POLE: variants seen among roughly 807,000 people sequenced by gnomAD.
POLE encodes DNA polymerase epsilon catalytic subunit A.
Under a neutral mutation model 279.2 loss-of-function variants are expected in POLE, and 188 were observed. That is an observed-to-expected ratio of 0.67 (90% CI 0.60 to 0.76). The LOEUF (loss-of-function observed/expected upper bound fraction) is 0.76. Among genes scored for constraint, POLE ranks in the 30% least tolerant of loss-of-function variants. The pLI is 0.00. For synonymous variants in POLE, 1,214 were observed against 1,172.5 expected (o/e 1.04, Z -0.72); for missense variants, 2,703 against 3,016.7 (o/e 0.90, Z 2.44).
In POLE at chr12:132,649,946, C is replaced by T. The variant is rs1041161561; in HGVS notation, c.3583-57G>A. The T allele has an allele frequency of 3.3e-6, 5 of 1,509,260 alleles. No individual in the cohort carries two copies. The African/African-American group carries it at 6.8e-5, about 21-fold the overall frequency. 93.5% of individuals were successfully genotyped at this position (1,509,260 alleles called of 1,614,324 possible). A position where few individuals can be genotyped will look rare whatever the true frequency, so the allele number is the denominator to read the frequency against. ...GGATCTCGGGCTGCGCAGGGTGGCT[C>T]ATGCCTGGAATGCCAGCACTTTGGG... On this transcript the variant is annotated intron_variant, in intron 29 of 48. Coordinates refer to ENST00000320574, the MANE Select transcript of POLE (RefSeq NM_006231.4).
chr12:132,663,906 A>T (rs939889023), intron 23 of POLE, 98 bp downstream of exon 23: 2 of 1,310,358 alleles, frequency 1.5e-6, no homozygotes, highest in Non-Finnish European at 2.2e-6. Flanking sequence ...GCTGGGTGCC[A>T]GGAAGGCATG....
intron 45 of POLE, among the ~76,000 whole-genome samples, chr12:132,630,618 G>A (rs546097163): frequency 6.6e-6 from 1 of 152,272 alleles, no homozygotes; most frequent in South Asian, 2.1e-4. Flanking sequence ...GGGCGTGGTG[G>A]CAGGCACCTG....
chr12:132,657,075 G>T lies in POLE; in HGVS notation c.3582+61C>A. The T allele has an allele frequency of 2.5e-6, 4 of 1,571,504 alleles. No homozygotes were observed. In the South Asian group the frequency reaches 3.3e-5, roughly 13 times the overall value. The stretch of plus-strand genomic sequence containing the variant: ...TACAGCACACACAGCAGCGCAAGAA[G>T]CCTGGAGTCCTGTGTGTCACAAGGA... On this transcript the variant is annotated intron_variant, in intron 29 of 48. Transcript: ENST00000320574.
In POLE at chr12:132,672,643, G is replaced by A; in HGVS notation, c.1670C>T (p.Pro557Leu). 5 of 1,614,096 alleles carry A rather than the reference G, an allele frequency of 3.1e-6. No individual in the cohort carries two copies. The highest frequency in any genetic ancestry group is 4.2e-6 in the Non-Finnish European group (5 of 1,180,010). ...LESGVFRSDI[P>L]CRFRMNPAAF... ...GAAGCACACCATCCTAAACCGGCAA[G>A]GGATATCGCTGCGGAAAACCCCAGA... The change falls in exon 15 of 49, where the codon CCT becomes CTT. Residue 557 changes from proline (P) to leucine (L), a missense_variant. Around this residue, in one of 5 missense-constraint regions of POLE, gnomAD observed 1,011 missense variants for 1,111.7 expected, o/e 0.91. Coordinates refer to ENST00000320574, the MANE Select transcript of POLE (RefSeq NM_006231.4).
intron 20 of POLE, among the ~76,000 whole-genome samples, chr12:132,666,746 T>C (rs1377398896): frequency 6.6e-6 from 1 of 152,120 alleles, no homozygotes; most frequent in Non-Finnish European, 1.5e-5. Context: ...TTGATGGAGA[T>C]AAGAGTTTCC....
intron 32 of POLE, among the ~76,000 whole-genome samples, chr12:132,648,344 T>G (rs1311266810): frequency 3.5e-3 from 355 of 102,386 alleles, no homozygotes; most frequent in African/African-American, 4.2e-3. Context: ...AATGGGGGGG[T>G]GAGGGGAGGG....
rs2138508215 is a variant in POLE at position 132,639,132 on chromosome 12, A to G, written c.5545T>C (p.Phe1849Leu). The part of the protein sequence containing the change: ...RTLHNMMKKL[F>L]LQLIAEFKRL... ...GGGAGGAGGAGCACTCACTGCAGGA[A>G]GAGCTTCTTCATCATGTTGTGGAGT... Residue 1849 changes from phenylalanine (F) to leucine (L), a missense_variant, in exon 40 of 49, where the codon TTC becomes CTC. By Grantham distance (22) the Phe-to-Leu change is conservative (BLOSUM62 0). Coordinates refer to ENST00000320574, the MANE Select transcript of POLE (RefSeq NM_006231.4). This position sits in a 1 kb window ranked among gnomAD's most constrained non-coding sequence, Gnocchi z 4.7. 1 of 1,613,674 alleles carries G rather than the reference A, an allele frequency of 6.2e-7. No individual in the cohort carries two copies. The highest frequency in any genetic ancestry group is 8.5e-7 in the Non-Finnish European group (1 of 1,179,580).
chr12:132,673,244 C>A lies in POLE; in HGVS notation c.1393G>T (p.Ala465Ser), dbSNP rs771526654. The A allele has an allele frequency of 2.5e-6, 4 of 1,613,138 alleles. No homozygotes were observed. Among genetic ancestry groups the A allele is most frequent in the South Asian group, 2.2e-5 (2 of 91,058 alleles). ...LATYSVSDAV[A>S]TYYLYMKYVH... ...TACTTCATGTACAGGTAGTAAGTGG[C>A]GACAGCATCTGACACAGAATACGTG... Residue 465 changes from alanine to serine, a missense_variant, in exon 14 of 49, where the codon GCC (alanine) becomes TCC (serine). Physicochemically the swap from Ala to Ser is moderately conservative, Grantham distance 99. This residue lies in a region of POLE where 1,011 missense variants were observed against 1,111.7 expected (regional missense o/e 0.91). Coordinates refer to ENST00000320574, the MANE Select transcript of POLE (RefSeq NM_006231.4).
rs4883625 is a variant in POLE at position 132,636,106 on chromosome 12, T to C, written c.5679-82A>G. 0.62 allele frequency: 871,732 copies of C among 1,416,376 alleles called. 272,248 individuals are homozygous for C. The highest frequency in any genetic ancestry group is 0.85 in the African/African-American group (60,292 of 70,618). The allele number at this position is 1,416,376 out of a possible 1,614,324, so 87.7% of individuals were successfully genotyped here. A position where few individuals can be genotyped will look rare whatever the true frequency, so the allele number is the denominator to read the frequency against. On this transcript the variant is annotated intron_variant, in intron 41 of 48. Coordinates refer to ENST00000320574, the MANE Select transcript of POLE (RefSeq NM_006231.4). ...TCCTTTATTTCCCCTTGTATCTATC[T>C]GTACCCTCCACTTACTTAACACTGA... is the stretch of plus-strand genomic sequence containing the variant.
At chr12:132,636,800 AAG>A (rs1167062437) in intron 41 of POLE, among the ~76,000 whole-genome samples, 2 of 152,210 alleles carry the variant, frequency 1.3e-5, no homozygotes, top group Non-Finnish European at 2.9e-5. Flanking sequence ...TAAACAAAGA[AAG>A]AGAGGAAGGA....
At chr12:132,676,696 C>A (rs1487845678) in intron 8 of POLE, 43 bp from the exon 9 acceptor site, 3 of 1,250,076 alleles carry the variant, frequency 2.4e-6, no homozygotes, top group Non-Finnish European at 3.5e-6. Context: ...CTAAACTCCC[C>A]ATTAGGCCTC....
chr12:132,640,159 CCTAG>C (rs1032160503), intron 39 of POLE, among the ~76,000 whole-genome samples: 2 of 152,220 alleles, frequency 1.3e-5, no homozygotes, highest in African/African-American at 4.8e-5. Context: ...CCCTCACACG[CCTAG>C]CTGCCCTGGG....
chr12:132,658,108 T>G, intron 26 of POLE, 138 bp from the exon 27 acceptor site: 1 of 630,258 alleles, frequency 1.6e-6, no homozygotes, highest in Non-Finnish European at 2.9e-6. Flanking sequence ...TCTGCGTGCA[T>G]ATGTATGCAC....
chr12:132,655,640 ATG>A (rs968916246), intron 29 of POLE, among the ~76,000 whole-genome samples: 10 of 152,234 alleles, frequency 6.6e-5, no homozygotes, highest in African/African-American at 2.4e-4. Context: ...ACATTATTTA[ATG>A]TGAGGCTACA....
At position 132,679,386 on chromosome 12, in the gene POLE, C is replaced by A; in HGVS notation, c.578+111G>T. On this transcript the variant is annotated intron_variant, in intron 6 of 48. Coordinates refer to ENST00000320574, the MANE Select transcript of POLE (RefSeq NM_006231.4). ...TCTCTACCTAATTGCTCAAGTTTTC[C>A]GTATCAAACAGAGCCAGCCATTAAG... 2.9e-6 allele frequency: 3 copies of A among 1,051,152 alleles called. No homozygotes were observed. In the South Asian group the frequency reaches 5.1e-5, roughly 18 times the overall value. 65.1% of individuals were successfully genotyped at this position (1,051,152 alleles called of 1,614,324 possible).
Position 132,649,452 on chromosome 12 carries a change from G to C in POLE, c.3859C>G (p.Leu1287Val). 6.2e-7 allele frequency: 1 copy of C among 1,612,422 alleles called. No homozygotes were observed. Among genetic ancestry groups the C allele is most frequent in the Non-Finnish European group, 8.5e-7 (1 of 1,179,958 alleles). Residue 1287 changes from leucine (L) to valine (V), a missense_variant, in exon 31 of 49, where the codon CTC (leucine) becomes GTC (valine). Physicochemically the swap from Leu to Val is conservative, Grantham distance 32. Coordinates refer to ENST00000320574, the MANE Select transcript of POLE (RefSeq NM_006231.4). ...AGACGCTGCCTCTTCCTGCGGGCGAGGCGCTGCCGGGCCTGCAGCTGCCAC... is the reference window on the plus strand; with the variant it reads ...AGACGCTGCCTCTTCCTGCGGGCGACGCGCTGCCGGGCCTGCAGCTGCCAC... ...KKWQLQARQR[L>V]ARRKRQRLES...
chr12:132,644,053 T>C (rs1393148890), intron 32 of POLE, 76 bp from the exon 33 acceptor site: 8 of 1,456,782 alleles, frequency 5.5e-6, no homozygotes, highest in Non-Finnish European at 7.3e-6. Context: ...AAGCACACGC[T>C]ATTCGGAGTC....
At chr12:132,666,314 G>A (rs970969037) in intron 20 of POLE, among the ~76,000 whole-genome samples, 14 of 152,382 alleles carry the variant, frequency 9.2e-5, no homozygotes, top group South Asian at 6.2e-4. Context: ...AAGACTGGGC[G>A]CGGTGGCTCA....
chr12:132,677,688 C>T lies in POLE; in HGVS notation c.610G>A (p.Glu204Lys), dbSNP rs758775510. 2.3e-5 allele frequency: 37 copies of T among 1,614,002 alleles called. No individual in the cohort carries two copies. The South Asian group carries it at 4.0e-4, about 17-fold the overall frequency. ...VLQRGGVITD[E>K]EETSKKIADQ... Reference sequence around the variant, plus strand: ...GCTATCTTCTTAGAGGTTTCCTCTTCATCAGTAATGACACCGCCCCTCTGC... The same window carrying T: ...GCTATCTTCTTAGAGGTTTCCTCTTTATCAGTAATGACACCGCCCCTCTGC... The change falls in exon 7 of 49, where the codon GAA becomes AAA. Residue 204 changes from glutamate (E) to lysine (K), a missense_variant. By Grantham distance (56) the Glu-to-Lys change is moderately conservative. Coordinates refer to ENST00000320574, the MANE Select transcript of POLE (RefSeq NM_006231.4).
Sources: gnomAD v4.1 joint callset for allele counts (sites outside exome capture counted in the v4.1 genomes callset) on GRCh38, gnomAD v4.1.1 for gene constraint, gnomAD v4.1.1 regional missense constraint, Gnocchi (gnomAD v3.1) non-coding constraint, MANE v1.5 for transcripts, NCBI Gene and HGNC (gene_info 2026-07-23, HGNC 2026-07-21) for gene names.